The following GREB1L variants were observed in gnomAD, a reference collection of about 807,000 sequenced individuals.
The protein encoded by GREB1L is GREB1-like protein.
In GREB1L, 17 loss-of-function variants were observed where a neutral mutation model predicts 200.8. The observed-to-expected ratio is 0.08, with a 90% CI of 0.06 to 0.13. The LOEUF is 0.13. Among genes scored for constraint, GREB1L ranks in the 10% least tolerant of loss-of-function variants. The pLI, the probability that GREB1L is intolerant of heterozygous loss-of-function variation, is 1.00. For synonymous variants in GREB1L, 789 were observed against 893.0 expected, an observed-to-expected ratio of 0.88 and a Z score of 2.08; for missense variants, 1,657 against 2,367.7, an observed-to-expected ratio of 0.70 and a Z score of 6.23.
rs146197294 is a variant in GREB1L at position 21,308,914 on chromosome 18, C to T, written c.-119-57113C>T. 8.1e-3 allele frequency among the ~76,000 whole-genome samples: 1,229 copies of T among 152,324 alleles called. 29 individuals are homozygous for T. Among genetic ancestry groups the T allele is most frequent in the African/African-American group, 0.028 (1,182 of 41,574 alleles). ...GTTCTATTCTAGCCTCCACCTCCTA[C>T]TTCTATATGGTGACCTCTGTGATTC... On this transcript the variant is annotated intron_variant, in intron 1 of 32. Transcript: ENST00000424526.
chr18:21,244,377 G>T (rs1429041011), intron 1 of GREB1L, among the ~76,000 whole-genome samples: 1 of 152,144 alleles, frequency 6.6e-6, no homozygotes, highest in Admixed American at 6.5e-5. Context: ...ATATAAAGAT[G>T]TTAGTGGTAA....
intron 1 of GREB1L, among the ~76,000 whole-genome samples, chr18:21,296,644 T>G (rs1212264172): frequency 6.6e-6 from 1 of 151,732 alleles, no homozygotes; most frequent in East Asian, 1.9e-4. Flanking sequence ...ATCATTCAGC[T>G]TTTCTTTGTT....
intron 31 of GREB1L, among the ~76,000 whole-genome samples, chr18:21,519,723 A>G (rs1454595719): frequency 6.6e-6 from 1 of 152,194 alleles, no homozygotes; most frequent in African/African-American, 2.4e-5. Context: ...ACTGAGGTAT[A>G]GTGAAATGAA....
intron 1 of GREB1L, among the ~76,000 whole-genome samples, chr18:21,300,449 T>A (rs940407406): frequency 6.6e-6 from 1 of 152,234 alleles, no homozygotes; most frequent in African/African-American, 2.4e-5. Flanking sequence ...GCTTCTATTT[T>A]CTTTTGCTCC....
intron 1 of GREB1L, among the ~76,000 whole-genome samples, chr18:21,319,761 C>G (rs2038924560): frequency 6.6e-6 from 1 of 152,074 alleles, no homozygotes; most frequent in Non-Finnish European, 1.5e-5. Flanking sequence ...AGATCGGAGA[C>G]AAAGCTGGCA....
chr18:21,369,152 G>A (rs2039780498), intron 2 of GREB1L, among the ~76,000 whole-genome samples: 1 of 152,106 alleles, frequency 6.6e-6, no homozygotes, highest in Non-Finnish European at 1.5e-5. Context: ...TTTGCCTCTG[G>A]TGTTTTATGC....
chr18:21,293,210 G>C (rs1325773047), intron 1 of GREB1L, among the ~76,000 whole-genome samples: 1 of 152,182 alleles, frequency 6.6e-6, no homozygotes, highest in Non-Finnish European at 1.5e-5. Flanking sequence ...GTCTGTGCAT[G>C]TAAGAGACTG....
intron 15 of GREB1L, among the ~76,000 whole-genome samples, chr18:21,460,425 A>C (rs2034994368): frequency 6.6e-6 from 1 of 152,062 alleles, no homozygotes; most frequent in African/African-American, 2.4e-5. Context: ...GGCTCACTGC[A>C]ACCTCCGCCT....
intron 25 of GREB1L, 50 bp downstream of exon 25, chr18:21,505,999 T>C (rs1043191838): frequency 6.6e-7 from 1 of 1,515,002 alleles, no homozygotes; most frequent in Non-Finnish European, 8.9e-7. Flanking sequence ...ATGGATTTTG[T>C]ATGTAAGGGT....
intron 1 of GREB1L, among the ~76,000 whole-genome samples, chr18:21,270,551 A>G (rs1421210037): frequency 6.6e-6 from 1 of 152,216 alleles, no homozygotes; most frequent in Admixed American, 6.5e-5. Flanking sequence ...AGGAGAGGGC[A>G]CACACCCACT....
intron 15 of GREB1L, among the ~76,000 whole-genome samples, chr18:21,455,319 A>AACACACACAC (rs10581600): frequency 6.6e-6 from 1 of 150,638 alleles, no homozygotes; most frequent in East Asian, 1.9e-4. Flanking sequence ...AGCTGAGGAA[A>AACACACACAC]ACACACACAC....
chr18:21,525,006 T>TTGTG lies in GREB1L; in HGVS notation c.*2189_*2192dup, dbSNP rs1405317128. On this transcript the variant is annotated 3_prime_UTR_variant, in exon 33 of 33. Coordinates refer to ENST00000424526, the MANE Select transcript of GREB1L (RefSeq NM_001142966.3). ...TTGCACAAGCACAGGACACCATGAT[T>TTGTG]TGTGTGTATATATATATATATCCTA... 9.8e-4 allele frequency: 8 copies of TTGTG among 8,174 alleles called. No individual in the cohort carries two copies. In the Admixed American group the frequency reaches 0.019, roughly 20 times the overall value. 0.5% of individuals were successfully genotyped at this position (8,174 alleles called of 1,614,324 possible). A position where few individuals can be genotyped will look rare whatever the true frequency, so the allele number is the denominator to read the frequency against.
intron 1 of GREB1L, among the ~76,000 whole-genome samples, chr18:21,356,642 A>T (rs1437257250): frequency 1.3e-5 from 2 of 152,202 alleles, no homozygotes; most frequent in Non-Finnish European, 2.9e-5. Flanking sequence ...AGGGGGGTGC[A>T]CATATTTATT....
chr18:21,395,602 G>A, intron 5 of GREB1L, 41 bp downstream of exon 5: 1 of 1,386,924 alleles, frequency 7.2e-7, no homozygotes. Context: ...CAATATGAGG[G>A]AGTTAAAATA....
At chr18:21,321,067 A>G (rs1437231711) in intron 1 of GREB1L, among the ~76,000 whole-genome samples, 4 of 150,130 alleles carry the variant, frequency 2.7e-5, no homozygotes, top group South Asian at 2.1e-4. Context: ...GCTGAGGCGG[A>G]TGGATCACCT....
intron 1 of GREB1L, among the ~76,000 whole-genome samples, chr18:21,325,718 G>A (rs2039012286): frequency 6.6e-6 from 1 of 150,808 alleles, no homozygotes; most frequent in African/African-American, 2.4e-5. Flanking sequence ...GAGAGCTGAG[G>A]TGGGAGGATC....
chr18:21,369,728 A>C (rs2039801373), intron 2 of GREB1L, among the ~76,000 whole-genome samples: 1 of 152,176 alleles, frequency 6.6e-6, no homozygotes, highest in South Asian at 2.1e-4. Context: ...TTGGCTTTAC[A>C]AACTATAAAA....
At position 21,289,353 on chromosome 18, in the gene GREB1L, C is replaced by T. The variant is rs188804141; in HGVS notation, c.-120+46960C>T. ...TTACTTGAGCCCGGGAGTTTGAGAC[C>T]AGCCTGGGCAATGTAAGAGAGACCT... On this transcript the variant is annotated intron_variant, in intron 1 of 32. Transcript: ENST00000424526. Among the ~76,000 whole-genome samples the T allele has an allele frequency of 5.9e-4, 90 of 151,986 alleles. 1 individual carries two copies. The highest frequency in any genetic ancestry group is 2.0e-3 in the African/African-American group (84 of 41,438).
At chr18:21,418,515 A>T (rs1256158419) in intron 7 of GREB1L, among the ~76,000 whole-genome samples, 3 of 151,550 alleles carry the variant, frequency 2.0e-5, no homozygotes, top group African/African-American at 7.3e-5. Flanking sequence ...TTAAAAAAAT[A>T]TTTTTGTTTT....
Sources: gnomAD v4.1 joint callset for allele counts (sites outside exome capture counted in the v4.1 genomes callset) on GRCh38, gnomAD v4.1.1 for gene constraint, MANE v1.5 for transcripts, NCBI Gene and HGNC (gene_info 2026-07-23, HGNC 2026-07-21) for gene names.